Variants in VWA8 observed in about 807,000 individuals in gnomAD.
The protein encoded by VWA8 is von Willebrand factor A domain-containing protein 8.
In VWA8, 221 loss-of-function variants were observed where a neutral mutation model predicts 241.5. The ratio of observed to expected loss-of-function variants is 0.91; its 90% CI spans 0.82 to 1.02. The LOEUF (loss-of-function observed/expected upper bound fraction) is 1.02, where lower values mean the gene tolerates loss of function less well. Among genes scored for constraint, VWA8 ranks in the 50% least tolerant of loss-of-function variants. VWA8 has a pLI of 0.00. For synonymous variants in VWA8, 852 were observed against 827.1 expected (o/e 1.03, Z -0.52); for missense variants, 2,322 against 2,328.7 (o/e 1.00, Z 0.06).
intron 2 of VWA8, among the ~76,000 whole-genome samples, chr13:41,927,874 C>T (rs753052750): frequency 1.3e-5 from 2 of 152,000 alleles, no homozygotes; most frequent in African/African-American, 4.8e-5. Context: ...GCTTTAAGGA[C>T]AGACAGGACA....
At chr13:41,759,515 C>T (rs1217617500) in intron 21 of VWA8, among the ~76,000 whole-genome samples, 1 of 151,172 alleles carries the variant, frequency 6.6e-6, no homozygotes, top group Non-Finnish European at 1.5e-5. Flanking sequence ...TTTTTCTGTC[C>T]CATTTTTTTC....
intron 14 of VWA8, among the ~76,000 whole-genome samples, chr13:41,827,452 A>T (rs1363192896): frequency 6.6e-6 from 1 of 152,210 alleles, no homozygotes; most frequent in Non-Finnish European, 1.5e-5. Context: ...GAAAAACCTG[A>T]AGTTTGAAAG....
Position 41,959,911 on chromosome 13 carries a change from A to G in VWA8, c.163+942T>C, listed in dbSNP as rs1593899145. Among the ~76,000 whole-genome samples, 4 of 152,244 alleles carry G rather than the reference A, an allele frequency of 2.6e-5. No individual in the cohort carries two copies. The East Asian group carries it at 7.7e-4, about 29-fold the overall frequency. On this transcript the variant is annotated intron_variant, in intron 1 of 44. Coordinates refer to ENST00000379310, the MANE Select transcript of VWA8 (RefSeq NM_015058.2). ...GCGTGAGCCACCGCGCCCGGCCCAT[A>G]TGCTCATTTCTTAGCAAGGAAAACT...
intron 19 of VWA8, 32 bp from the exon 20 acceptor site, chr13:41,778,088 T>G: frequency 6.4e-7 from 1 of 1,550,516 alleles, no homozygotes; most frequent in Non-Finnish European, 8.8e-7. Context: ...GTTAACTGTT[T>G]TGTACAATCA....
At chr13:41,736,988 C>T (rs2045530713) in intron 21 of VWA8, among the ~76,000 whole-genome samples, 1 of 151,822 alleles carries the variant, frequency 6.6e-6, no homozygotes, top group Non-Finnish European at 1.5e-5. Flanking sequence ...GGATTAGAGG[C>T]ATGCACCACC....
intron 17 of VWA8, among the ~76,000 whole-genome samples, chr13:41,796,736 G>A (rs1420043209): frequency 2.0e-5 from 3 of 151,042 alleles, no homozygotes; most frequent in African/African-American, 7.3e-5. Flanking sequence ...TTGAATGCCT[G>A]GCTCACAAAT....
chr13:41,816,699 G>T lies in VWA8; in HGVS notation c.1946C>A (p.Thr649Lys), dbSNP rs760226748. Residue 649 changes from threonine (T) to lysine (K), a missense_variant and splice_region_variant, in exon 16 of 45, where the codon ACG (threonine) becomes AAG (lysine). By Grantham distance (78) the Thr-to-Lys change is moderately conservative. Transcript: ENST00000379310. ...CCTGTGGAAAAAGCCTAGACTTACC[G>T]TTGGATCCTGTGTTTCTCTGAGTTT... ...THKLRETQDP[T>K]AQSLAASLST... The T allele has an allele frequency of 6.2e-7, 1 of 1,612,986 alleles. No individual in the cohort carries two copies. Among genetic ancestry groups the T allele is most frequent in the South Asian group, 1.1e-5 (1 of 90,876 alleles).
intron 12 of VWA8, among the ~76,000 whole-genome samples, chr13:41,861,925 T>C: frequency 6.6e-6 from 1 of 152,302 alleles, no homozygotes; most frequent in East Asian, 1.9e-4. Flanking sequence ...ACATCATTTT[T>C]CACAGAATTA....
intron 37 of VWA8, among the ~76,000 whole-genome samples, chr13:41,652,329 T>C (rs547423897): frequency 6.6e-6 from 1 of 152,350 alleles, no homozygotes; most frequent in South Asian, 2.1e-4. Flanking sequence ...TAGATAAACC[T>C]AGGCTGAAAT....
At chr13:41,920,868 T>TG (rs1876493702) in intron 2 of VWA8, among the ~76,000 whole-genome samples, 1 of 152,206 alleles carries the variant, frequency 6.6e-6, no homozygotes, top group Non-Finnish European at 1.5e-5. Flanking sequence ...AAAGAGGAGT[T>TG]GATACCATTC....
chr13:41,647,168 C>T (rs1370232753), intron 37 of VWA8, among the ~76,000 whole-genome samples: 1 of 152,202 alleles, frequency 6.6e-6, no homozygotes, highest in East Asian at 1.9e-4. Flanking sequence ...AAAAGAGCTC[C>T]AATGGAAATG....
At chr13:41,705,813 T>C (rs1457186252) in intron 26 of VWA8, among the ~76,000 whole-genome samples, 3 of 152,204 alleles carry the variant, frequency 2.0e-5, no homozygotes, top group Admixed American at 6.5e-5. Flanking sequence ...GTAAGTTTTA[T>C]AGTCTTGCAT....
chr13:41,847,925 A>T (rs1872359697), intron 12 of VWA8, among the ~76,000 whole-genome samples: 2 of 152,250 alleles, frequency 1.3e-5, no homozygotes, highest in Admixed American at 1.3e-4. Flanking sequence ...ATGAGTTCTT[A>T]AAAACTCTAT....
At chr13:41,629,596 A>T (rs989536769) in intron 37 of VWA8, among the ~76,000 whole-genome samples, 1 of 152,206 alleles carries the variant, frequency 6.6e-6, no homozygotes, top group Non-Finnish European at 1.5e-5. Flanking sequence ...CAGCCTGAAA[A>T]AAGAAATTTC....
rs1211135264 is a variant in VWA8 at position 41,692,012 on chromosome 13, C to G, written c.3676-74G>C. 3 of 972,022 alleles carry G rather than the reference C, an allele frequency of 3.1e-6. No individual in the cohort carries two copies. In the Admixed American group the frequency reaches 6.2e-5, roughly 20 times the overall value. The allele number at this position is 972,022 out of a possible 1,614,324, so 60.2% of individuals were successfully genotyped here. A position where few individuals can be genotyped will look rare whatever the true frequency, so the allele number is the denominator to read the frequency against. ...TCATGTCCCTCTTTAGCTACTTCCC[C>G]TTAAATAAAATAAAGTTCTTCAACT... On this transcript the variant is annotated intron_variant, in intron 30 of 44. Coordinates refer to ENST00000379310, the MANE Select transcript of VWA8 (RefSeq NM_015058.2).
At chr13:41,770,318 G>A (rs1010311614) in intron 20 of VWA8, among the ~76,000 whole-genome samples, 22 of 152,010 alleles carry the variant, frequency 1.4e-4, no homozygotes, top group Non-Finnish European at 1.2e-4. Context: ...GCGGGCGCCT[G>A]TAGTCCCAGC....
At chr13:41,617,793 T>C (rs1435955497) in intron 37 of VWA8, among the ~76,000 whole-genome samples, 2 of 151,974 alleles carry the variant, frequency 1.3e-5, no homozygotes, top group Non-Finnish European at 2.9e-5. Flanking sequence ...TCCAGCTTCA[T>C]CCATGTCCCT....
chr13:41,610,466 C>G (rs2139659984), intron 39 of VWA8, among the ~76,000 whole-genome samples: 1 of 152,276 alleles, frequency 6.6e-6, no homozygotes, highest in African/African-American at 2.4e-5. Context: ...ACTCTTGCCT[C>G]TAGCATCAAG....
At chr13:41,675,509 T>C in intron 35 of VWA8, among the ~76,000 whole-genome samples, 1 of 152,142 alleles carries the variant, frequency 6.6e-6, no homozygotes, top group East Asian at 1.9e-4. Context: ...GAAAACAACC[T>C]AAGTTATTTT....
Sources: allele counts gnomAD v4.1 joint callset (sites outside exome capture counted in the v4.1 genomes callset), GRCh38; gene constraint gnomAD v4.1.1; transcripts MANE v1.5; gene names NCBI Gene and HGNC (gene_info 2026-07-23, HGNC 2026-07-21).